The following BORCS5 variants were observed in gnomAD, a reference collection of about 807,000 sequenced individuals.
BORCS5 encodes the protein BLOC-1-related complex subunit 5.
A neutral mutation model predicts 22.1 loss-of-function variants in BORCS5; 17 were observed. The observed-to-expected ratio is 0.77, with a 90% CI of 0.53 to 1.15. The LOEUF is 1.15. Ranked by LOEUF, BORCS5 falls within the 50% of genes most tolerant of loss-of-function variation. The pLI is 0.00. For missense variants in BORCS5, 247 were observed against 253.2 expected, an observed-to-expected ratio of 0.98 and a Z score of 0.17; for synonymous variants, 117 against 99.8, an observed-to-expected ratio of 1.17 and a Z score of -1.03.
intron 2 of BORCS5, among the ~76,000 whole-genome samples, chr12:12,422,129 T>A (rs1458617542): frequency 6.6e-6 from 1 of 152,214 alleles, no homozygotes; most frequent in African/African-American, 2.4e-5. Flanking sequence ...CTTTTAATTG[T>A]GATATTAGGG....
chr12:12,446,852 A>G (rs757464368), intron 3 of BORCS5, among the ~76,000 whole-genome samples: 1 of 152,202 alleles, frequency 6.6e-6, no homozygotes, highest in Non-Finnish European at 1.5e-5. Flanking sequence ...GGCATAATGA[A>G]TGTGGAAGGA....
rs899567446 is a variant in BORCS5 at position 12,467,976 on chromosome 12, C to G, written c.*2200C>G. On this transcript the variant is annotated 3_prime_UTR_variant, in exon 4 of 4. Coordinates refer to ENST00000314565, the MANE Select transcript of BORCS5 (RefSeq NM_058169.6). ...CAGACCCTGGGCCGGGTATGAGAAC[C>G]AGCTTCTTGGTCTGCAGCCACAAGG... 1.6e-4 allele frequency: 24 copies of G among 152,226 alleles called. No individual in the cohort carries two copies. The highest frequency in any genetic ancestry group is 5.8e-4 in the African/African-American group (24 of 41,436). The allele number at this position is 152,226 out of a possible 1,614,324, so 9.4% of individuals were successfully genotyped here.
intron 1 of BORCS5, among the ~76,000 whole-genome samples, chr12:12,359,304 G>A (rs1261126704): frequency 6.6e-6 from 1 of 152,010 alleles, no homozygotes; most frequent in Non-Finnish European, 1.5e-5. Flanking sequence ...GGCCCAGGTG[G>A]GAGGATTGCT....
intron 2 of BORCS5, among the ~76,000 whole-genome samples, chr12:12,423,479 G>A (rs1303466781): frequency 3.8e-5 from 4 of 105,036 alleles, no homozygotes; most frequent in African/African-American, 7.4e-5. Flanking sequence ...TGACTGATAC[G>A]CTTAATTTCT....
chr12:12,430,364 G>A (rs964792469), intron 2 of BORCS5, among the ~76,000 whole-genome samples: 1 of 151,924 alleles, frequency 6.6e-6, no homozygotes, highest in Non-Finnish European at 1.5e-5. Context: ...TGTTAGCCAG[G>A]GTGGTCTCGA....
In BORCS5 at chr12:12,416,808, G is replaced by T. The variant is rs567956636; in HGVS notation, c.203-18820G>T. Among the ~76,000 whole-genome samples the T allele has an allele frequency of 2.0e-3, 277 of 140,604 alleles. 2 individuals are homozygous for T. The highest frequency in any genetic ancestry group is 7.0e-3 in the African/African-American group (267 of 38,128). 92.2% of individuals were successfully genotyped at this position (140,604 alleles called of 152,430 possible). The stretch of plus-strand genomic sequence containing the variant: ...TTTTTTTTTTTTTTTTTGAGATGGA[G>T]TCTTGCTTTGTTGCCCAGGCTGGAG... On this transcript the variant is annotated intron_variant, in intron 2 of 3. Transcript: ENST00000314565.
chr12:12,410,523 G>C (rs1162337578), intron 2 of BORCS5, among the ~76,000 whole-genome samples: 2 of 151,978 alleles, frequency 1.3e-5, no homozygotes, highest in Non-Finnish European at 2.9e-5. Context: ...GTTTGTCAAA[G>C]ATCAGATAGT....
intron 2 of BORCS5, among the ~76,000 whole-genome samples, chr12:12,410,348 T>C (rs1417935288): frequency 6.6e-6 from 1 of 152,268 alleles, no homozygotes; most frequent in Non-Finnish European, 1.5e-5. Flanking sequence ...TCTAGGGTTT[T>C]TATGGTTTTA....
chr12:12,452,383 T>C, intron 3 of BORCS5: 2 of 601,438 alleles, frequency 3.3e-6, no homozygotes, highest in South Asian at 1.4e-5. Context: ...CACAAACATT[T>C]TCAAAACATT....
At chr12:12,407,699 A>G (rs1555149943) in intron 2 of BORCS5, among the ~76,000 whole-genome samples, 1 of 143,338 alleles carries the variant, frequency 7.0e-6, no homozygotes, top group African/African-American at 2.7e-5. Flanking sequence ...GAATTTTACT[A>G]TTCTTTTTGT....
chr12:12,414,176 C>T (rs1941838741), intron 2 of BORCS5, among the ~76,000 whole-genome samples: 1 of 103,856 alleles, frequency 9.6e-6, no homozygotes, highest in African/African-American at 3.8e-5. Context: ...CCCCACCTCC[C>T]TCCCGGATGG....
intron 2 of BORCS5, among the ~76,000 whole-genome samples, chr12:12,427,180 T>C (rs918544429): frequency 3.4e-4 from 23 of 66,880 alleles, no homozygotes; most frequent in African/African-American, 1.1e-3. Context: ...TTCTTTTTTT[T>C]TTTTTTTTTT....
rs76099105 is a variant in BORCS5, at chr12:12,434,828, T to C, written c.203-800T>C. On this transcript the variant is annotated intron_variant, in intron 2 of 3. Coordinates refer to ENST00000314565, the MANE Select transcript of BORCS5 (RefSeq NM_058169.6). The stretch of plus-strand genomic sequence containing the variant: ...CATAAAAGCTCTTTGGGGTCCTTGG[T>C]AATTTTTGAGAGTGTAGAGGTTCTG... 1.9e-3 allele frequency among the ~76,000 whole-genome samples: 293 copies of C among 152,348 alleles called. 4 individuals are homozygous for C. The highest frequency in any genetic ancestry group is 6.7e-3 in the African/African-American group (279 of 41,590).
chr12:12,450,232 T>G (rs1231985347), intron 3 of BORCS5, among the ~76,000 whole-genome samples: 1 of 152,200 alleles, frequency 6.6e-6, no homozygotes, highest in Non-Finnish European at 1.5e-5. Flanking sequence ...GGGATAGTGC[T>G]TGCCCACTCT....
chr12:12,434,473 A>G (rs933929599), intron 2 of BORCS5, among the ~76,000 whole-genome samples: 1 of 152,158 alleles, frequency 6.6e-6, no homozygotes. Context: ...GTTTGTAATA[A>G]TACTTAGACA....
intron 3 of BORCS5, among the ~76,000 whole-genome samples, chr12:12,460,600 T>C (rs10845550): frequency 0.26 from 38,889 of 152,124 alleles, 5,436 homozygotes; most frequent in Admixed American, 0.32. Flanking sequence ...CACCAATAAC[T>C]GTATTGTCAG....
chr12:12,388,762 G>A (rs1863936207), intron 2 of BORCS5, among the ~76,000 whole-genome samples: 1 of 151,132 alleles, frequency 6.6e-6, no homozygotes, highest in Non-Finnish European at 1.5e-5. Flanking sequence ...TCTTTCTGCT[G>A]TTCTTCTCCT....
At chr12:12,358,938 G>T (rs577758823) in intron 1 of BORCS5, among the ~76,000 whole-genome samples, 1 of 152,160 alleles carries the variant, frequency 6.6e-6, no homozygotes. Context: ...CTCCGGAGAC[G>T]AGCTTCTAGG....
intron 2 of BORCS5, among the ~76,000 whole-genome samples, chr12:12,370,229 A>G (rs981948892): frequency 1.3e-5 from 2 of 152,122 alleles, no homozygotes; most frequent in African/African-American, 2.4e-5. Flanking sequence ...TAACATTTCC[A>G]GAATTCCTAA....
Sources: allele counts gnomAD v4.1 joint callset (sites outside exome capture counted in the v4.1 genomes callset), GRCh38; gene constraint gnomAD v4.1.1; transcripts MANE v1.5; gene names NCBI Gene and HGNC (gene_info 2026-07-23, HGNC 2026-07-21).